Variants in GRIP1 observed in about 807,000 individuals in gnomAD.
GRIP1 encodes the protein glutamate receptor-interacting protein 1.
GRIP1 carries 45 observed loss-of-function variants against 129.9 expected under a neutral mutation model. The observed-to-expected ratio is 0.35, with a 90% CI of 0.27 to 0.44. The LOEUF is 0.44. Among genes scored for constraint, GRIP1 ranks in the 20% least tolerant of loss-of-function variants. GRIP1 has a pLI of 1.00. For synonymous variants in GRIP1, 530 were observed against 520.8 expected (o/e 1.02, Z -0.24); for missense variants, 1,196 against 1,396.8 (o/e 0.86, Z 2.29).
chr12:66,929,703 C>G (rs889493211), intron 1 of GRIP1, among the ~76,000 whole-genome samples: 2 of 152,156 alleles, frequency 1.3e-5, no homozygotes, highest in African/African-American at 4.8e-5. Context: ...ACCAAGAAGC[C>G]TCCTCTACAT....
At chr12:66,929,386 G>A (rs550067049) in intron 1 of GRIP1, among the ~76,000 whole-genome samples, 2 of 152,232 alleles carry the variant, frequency 1.3e-5, no homozygotes, top group African/African-American at 4.8e-5. Context: ...TCCTTCACAA[G>A]ACATATCATG....
At position 66,473,638 on chromosome 12, in the gene GRIP1, G is replaced by A. The variant is rs138282062; in HGVS notation, c.725-8216C>T. On this transcript the variant is annotated intron_variant, in intron 7 of 24. Transcript: ENST00000359742. ...GACGAAGCTTCCAAAGGAAGGAACA[G>A]GCAGCAATCTTTGCTGTCCCACAGC... Among the ~76,000 whole-genome samples, 1,461 of 152,304 alleles carry A rather than the reference G, an allele frequency of 9.6e-3. 26 individuals carry two copies. Among genetic ancestry groups the A allele is most frequent in the African/African-American group, 0.032 (1,347 of 41,566 alleles).
At chr12:66,977,548 A>G (rs2042172094) in intron 1 of GRIP1, among the ~76,000 whole-genome samples, 1 of 152,084 alleles carries the variant, frequency 6.6e-6, no homozygotes, top group African/African-American at 2.4e-5. Context: ...GGCAGACCCC[A>G]TGGTGCCCCT....
At chr12:66,830,256 A>G (rs1334191057) in intron 1 of GRIP1, among the ~76,000 whole-genome samples, 8 of 152,196 alleles carry the variant, frequency 5.3e-5, no homozygotes, top group Admixed American at 5.2e-4. Context: ...GTTACCTTAC[A>G]TGGTAAAAGG....
chr12:66,715,092 T>C (rs1475992980), intron 1 of GRIP1, among the ~76,000 whole-genome samples: 1 of 152,084 alleles, frequency 6.6e-6, no homozygotes, highest in African/African-American at 2.4e-5. Flanking sequence ...GCTTTGTCTC[T>C]TCCTTCTTCA....
intron 1 of GRIP1, among the ~76,000 whole-genome samples, chr12:66,610,145 TG>T (rs1294615801): frequency 6.6e-6 from 1 of 152,182 alleles, no homozygotes; most frequent in African/African-American, 2.4e-5. Flanking sequence ...GTGTAAACAT[TG>T]TTTAAAGTTT....
At chr12:66,717,797 T>C (rs773654305) in intron 1 of GRIP1, among the ~76,000 whole-genome samples, 2 of 152,116 alleles carry the variant, frequency 1.3e-5, no homozygotes, top group Non-Finnish European at 2.9e-5. Context: ...TAGTGATGTT[T>C]AAAAAAATTG....
intron 22 of GRIP1, 84 bp downstream of exon 22, chr12:66,376,933 T>C: frequency 2.1e-6 from 2 of 937,126 alleles, no homozygotes; most frequent in Non-Finnish European, 3.6e-6. Context: ...GACTGCATTG[T>C]ATAAAATCAA....
intron 5 of GRIP1, among the ~76,000 whole-genome samples, chr12:66,524,289 C>T (rs558960909): frequency 2.0e-5 from 3 of 152,320 alleles, no homozygotes; most frequent in African/African-American, 7.2e-5. Flanking sequence ...TAAAGCACCC[C>T]TCAGCAAATG....
upstream of GRIP1, among the ~76,000 whole-genome samples, chr12:66,807,066 G>A (rs535738657): frequency 6.6e-6 from 1 of 152,208 alleles, no homozygotes; most frequent in African/African-American, 2.4e-5. Context: ...ATGATGTGAA[G>A]GAGGGAAAGC....
chr12:66,379,402 G>A lies in GRIP1; in HGVS notation c.2499C>T (p.Asn833=), dbSNP rs779736095. 1.4e-5 allele frequency: 22 copies of A among 1,614,152 alleles called. No homozygotes were observed. The highest frequency in any genetic ancestry group is 1.7e-5 in the Non-Finnish European group (20 of 1,179,986). The change falls in exon 20 of 25, where the codon AAC becomes AAT. Residue 833 remains asparagine (N), a synonymous_variant. Transcript: ENST00000359742. ...GTTTTGGACTCCTCCAGTCATAGGT[G>A]TTGAAATTGTATCCTGAGGCCTGAA... ...TSFQASGYNF[N]TYDWRSPKQR...
chr12:66,513,493 T>C (rs2060759277), intron 7 of GRIP1, among the ~76,000 whole-genome samples: 1 of 152,186 alleles, frequency 6.6e-6, no homozygotes, highest in Admixed American at 6.5e-5. Flanking sequence ...AGTATTCTTT[T>C]ATGCATCTGT....
chr12:66,637,640 T>G (rs1421596007), intron 1 of GRIP1, among the ~76,000 whole-genome samples: 24 of 152,154 alleles, frequency 1.6e-4, no homozygotes, highest in Admixed American at 1.6e-3. Context: ...AATTTCAACT[T>G]CTTATTTTAT....
intron 2 of GRIP1, among the ~76,000 whole-genome samples, chr12:66,577,290 A>C (rs1213372744): frequency 1.1e-5 from 1 of 91,204 alleles, no homozygotes; most frequent in Non-Finnish European, 2.6e-5. Flanking sequence ...CAGGGTAAGG[A>C]ATGCTCAACA....
chr12:66,826,122 G>A (rs1592881602), intron 1 of GRIP1, among the ~76,000 whole-genome samples: 1 of 152,132 alleles, frequency 6.6e-6, no homozygotes, highest in Non-Finnish European at 1.5e-5. Flanking sequence ...GGAATACTAT[G>A]CAGCCATAAA....
intron 5 of GRIP1, among the ~76,000 whole-genome samples, chr12:66,527,299 GGATTAA>G (rs1292632648): frequency 6.6e-6 from 1 of 151,706 alleles, no homozygotes; most frequent in Non-Finnish European, 1.5e-5. Context: ...ATGATAGACT[GGATTAA>G]GAAAATGTGG....
intron 1 of GRIP1, among the ~76,000 whole-genome samples, chr12:66,748,561 C>A (rs2136601144): frequency 6.6e-6 from 1 of 152,278 alleles, no homozygotes; most frequent in East Asian, 1.9e-4. Flanking sequence ...TAACCCCAAG[C>A]TGTACTGAGA....
intron 1 of GRIP1, among the ~76,000 whole-genome samples, chr12:66,961,463 A>G (rs939067915): frequency 6.6e-6 from 1 of 152,224 alleles, no homozygotes. Flanking sequence ...AGCTTGCTCC[A>G]GAAACAATGT....
intron 6 of GRIP1, among the ~76,000 whole-genome samples, chr12:66,517,389 C>T (rs760670504): frequency 2.6e-5 from 4 of 151,808 alleles, no homozygotes; most frequent in Non-Finnish European, 4.4e-5. Context: ...TTCCATTTTA[C>T]GGAAAGTCAC....
Sources: gnomAD v4.1 joint callset for allele counts (sites outside exome capture counted in the v4.1 genomes callset) on GRCh38, gnomAD v4.1.1 for gene constraint, MANE v1.5 for transcripts, NCBI Gene and HGNC (gene_info 2026-07-23, HGNC 2026-07-21) for gene names.